Variants in BPTF observed in about 807,000 individuals in gnomAD.
The protein encoded by BPTF is bromodomain PHD finger transcription factor, also known as nucleosome-remodeling factor subunit BPTF.
Under a neutral mutation model 292.5 loss-of-function variants are expected in BPTF, and 18 were observed. That is an observed-to-expected ratio of 0.06 (90% CI 0.04 to 0.09). The LOEUF (loss-of-function observed/expected upper bound fraction) is 0.09, where lower values mean the gene tolerates loss of function less well. Ranked by LOEUF, BPTF falls within the 10% of genes least tolerant of loss-of-function variation. BPTF has a pLI of 1.00. For synonymous variants in BPTF, 1,225 were observed against 1,251.9 expected, an observed-to-expected ratio of 0.98 and a Z score of 0.45; for missense variants, 2,726 against 3,498.7, an observed-to-expected ratio of 0.78 and a Z score of 5.57.
rs58462646 is a variant in BPTF, at chr17:67,923,471, C to CTTTTTTTT, written c.5708+503_5708+510dup. Among the ~76,000 whole-genome samples, 20 of 67,516 alleles carry CTTTTTTTT rather than the reference C, an allele frequency of 3.0e-4. 2 individuals carry two copies. Among genetic ancestry groups the CTTTTTTTT allele is most frequent in the South Asian group, 1.3e-3 (2 of 1,514 alleles). The allele number at this position is 67,516 out of a possible 152,430, so 44.3% of individuals were successfully genotyped here. A position where few individuals can be genotyped will look rare whatever the true frequency, so the allele number is the denominator to read the frequency against. The stretch of plus-strand genomic sequence containing the variant: ...GTTTAGTAAGGTCCTCTCTCTCTGT[C>CTTTTTTTT]TTTTTTTTTTTTTTTTTTTTTTTTT... On this transcript the variant is annotated intron_variant, in intron 14 of 27. Transcript: ENST00000306378.
At chr17:67,891,805 T>G in intron 4 of BPTF, 39 bp from the exon 5 acceptor site, 1 of 1,465,662 alleles carries the variant, frequency 6.8e-7, no homozygotes, top group East Asian at 2.5e-5. Flanking sequence ...ATTATTTACT[T>G]ATTGTCAGCA....
chr17:67,929,630 C>A, intron 17 of BPTF, 143 bp downstream of exon 17: 1 of 969,490 alleles, frequency 1.0e-6, no homozygotes, highest in South Asian at 1.8e-5. Context: ...GGAAAAAAAT[C>A]TGTTATATTT....
At chr17:67,966,414 A>T in intron 25 of BPTF, 158 bp from the exon 26 acceptor site, 1 of 530,456 alleles carries the variant, frequency 1.9e-6, no homozygotes, top group Non-Finnish European at 3.3e-6. Context: ...AGCTCATCTT[A>T]GGTAACTATT....
At chr17:67,952,533 G>A (rs9898859) in intron 23 of BPTF, among the ~76,000 whole-genome samples, 134,361 of 152,038 alleles carry the variant, frequency 0.88, 61,759 homozygotes, top group East Asian at 1. Context: ...AAAGTGCTGG[G>A]ATTCCAGGCG....
intron 18 of BPTF, among the ~76,000 whole-genome samples, chr17:67,938,452 G>A (rs2065100633): frequency 6.6e-6 from 1 of 152,112 alleles, no homozygotes; most frequent in Admixed American, 6.6e-5. Context: ...GAGTAATAAT[G>A]GAAAACTTGT....
chr17:67,958,958 T>A (rs1230259334), intron 23 of BPTF, among the ~76,000 whole-genome samples: 2 of 152,156 alleles, frequency 1.3e-5, no homozygotes, highest in East Asian at 3.9e-4. Flanking sequence ...TCTCAAAAAA[T>A]ATATATATGA....
Position 67,946,071 on chromosome 17 carries a change from C to T in BPTF, c.7363C>T (p.Gln2455Ter). 1.2e-6 allele frequency: 2 copies of T among 1,614,164 alleles called. No individual in the cohort carries two copies. The highest frequency in any genetic ancestry group is 1.7e-6 in the Non-Finnish European group (2 of 1,180,020). The change falls in exon 21 of 28, where the codon CAG becomes TAG. Residue 2455 changes from glutamine to a stop codon, truncating the protein, a stop_gained. Transcript: ENST00000306378. LOFTEE classifies it high-confidence loss of function. Reference sequence around the variant, plus strand: ...TCAGATCCAGTCACAGGTTGTGGCTCAGATACAGGCTCAGCAAAGTGGTGT... The same window carrying T: ...TCAGATCCAGTCACAGGTTGTGGCTTAGATACAGGCTCAGCAAAGTGGTGT... The part of the protein sequence containing the change: ...LSQIQSQVVA[Q>*]IQAQQSGVPQ...
intron 18 of BPTF, among the ~76,000 whole-genome samples, chr17:67,935,964 G>A (rs1032255332): frequency 6.6e-6 from 1 of 152,224 alleles, no homozygotes; most frequent in South Asian, 2.1e-4. Context: ...ATTAAATATT[G>A]TGCTTATAAA....
At chr17:67,898,963 T>C (rs2061639925) in intron 7 of BPTF, among the ~76,000 whole-genome samples, 1 of 148,830 alleles carries the variant, frequency 6.7e-6, no homozygotes, top group Non-Finnish European at 1.5e-5. Flanking sequence ...TACCAGGAAA[T>C]GCAGTTTGCC....
chr17:67,874,072 C>G (rs1195509440), intron 3 of BPTF, among the ~76,000 whole-genome samples: 2 of 151,994 alleles, frequency 1.3e-5, no homozygotes, highest in Non-Finnish European at 2.9e-5. Context: ...TCCCCAGTGG[C>G]CAAAGCTGAA....
intron 7 of BPTF, among the ~76,000 whole-genome samples, chr17:67,896,823 G>T (rs2146416998): frequency 6.6e-6 from 1 of 152,222 alleles, no homozygotes; most frequent in South Asian, 2.1e-4. Flanking sequence ...GAAGTTGCTA[G>T]CTTTTAGTGC....
At chr17:67,963,909 T>C (rs1321598783) in intron 24 of BPTF, among the ~76,000 whole-genome samples, 1 of 152,202 alleles carries the variant, frequency 6.6e-6, no homozygotes, top group Non-Finnish European at 1.5e-5. Context: ...ACCCATATGG[T>C]ACAGTACTAG....
At chr17:67,963,129 G>C (rs2067679215) in intron 24 of BPTF, among the ~76,000 whole-genome samples, 1 of 152,082 alleles carries the variant, frequency 6.6e-6, no homozygotes, top group Non-Finnish European at 1.5e-5. Context: ...AAACTGATGT[G>C]AGTGACTTTA....
intron 4 of BPTF, among the ~76,000 whole-genome samples, chr17:67,883,790 G>A (rs747223069): frequency 2.0e-5 from 3 of 151,968 alleles, no homozygotes; most frequent in Non-Finnish European, 4.4e-5. Context: ...TAGTAGAGAC[G>A]GGGTTTCACC....
intron 26 of BPTF, among the ~76,000 whole-genome samples, chr17:67,967,872 A>G (rs545886364): frequency 1.9e-4 from 29 of 151,468 alleles, no homozygotes; most frequent in South Asian, 1.7e-3. Context: ...AGGAGTAGCT[A>G]TATCAGATGG....
At chr17:67,857,759 G>A (rs1032887132) in intron 2 of BPTF, among the ~76,000 whole-genome samples, 4 of 149,696 alleles carry the variant, frequency 2.7e-5, no homozygotes, top group Non-Finnish European at 4.4e-5. Flanking sequence ...GAGCCACTGC[G>A]TCTAGACTAA....
At chr17:67,877,908 A>G (rs2060145329) in intron 4 of BPTF, among the ~76,000 whole-genome samples, 2 of 152,240 alleles carry the variant, frequency 1.3e-5, no homozygotes, top group African/African-American at 4.8e-5. Context: ...TGCTGGGATT[A>G]CAGGCATGAG....
Position 67,909,775 on chromosome 17 carries a change from G to T in BPTF, c.2992+14G>T. ...AGAAGGACCAAGGTAAGGAGAGTCAGCTGTGGAGGGCAGCCTGGGGGTGAT... is the reference window on the plus strand; with the variant it reads ...AGAAGGACCAAGGTAAGGAGAGTCATCTGTGGAGGGCAGCCTGGGGGTGAT... On this transcript the variant is annotated intron_variant, in intron 10 of 27. Coordinates refer to ENST00000306378, the MANE Select transcript of BPTF (RefSeq NM_182641.4). 6.6e-7 allele frequency: 1 copy of T among 1,524,706 alleles called. No individual in the cohort carries two copies. Among genetic ancestry groups the T allele is most frequent in the Non-Finnish European group, 8.8e-7 (1 of 1,138,610 alleles). 94.4% of individuals were successfully genotyped at this position (1,524,706 alleles called of 1,614,324 possible).
chr17:67,960,997 T>G (rs2067429701), intron 24 of BPTF, among the ~76,000 whole-genome samples: 1 of 152,248 alleles, frequency 6.6e-6, no homozygotes, highest in Admixed American at 6.5e-5. Context: ...TAGAACGTGA[T>G]TCACTGATTT....
Sources: gnomAD v4.1 joint callset for allele counts (sites outside exome capture counted in the v4.1 genomes callset) on GRCh38, gnomAD v4.1.1 for gene constraint, MANE v1.5 for transcripts, NCBI Gene and HGNC (gene_info 2026-07-23, HGNC 2026-07-21) for gene names.